CHD1: variants seen among roughly 807,000 people sequenced by gnomAD.
CHD1 encodes the protein ATP-dependent chromatin remodeler CHD1.
In CHD1, 36 loss-of-function variants were observed where a neutral mutation model predicts 224.2. The ratio of observed to expected loss-of-function variants is 0.16; its 90% confidence interval spans 0.12 to 0.21. The LOEUF (loss-of-function observed/expected upper bound fraction) is 0.21, where lower values mean the gene tolerates loss of function less well. Among genes scored for constraint, CHD1 ranks in the 10% least tolerant of loss-of-function variants. CHD1 has a pLI of 1.00. For missense variants in CHD1, 1,378 were observed against 1,994.8 expected (o/e 0.69, Z 5.89); for synonymous variants, 668 against 658.3 (o/e 1.01, Z -0.23).
At chr5:98,867,895 C>CAGG (rs1580367876) in intron 31 of CHD1, among the ~76,000 whole-genome samples, 1 of 150,914 alleles carries the variant, frequency 6.6e-6, no homozygotes, top group East Asian at 2.0e-4. Flanking sequence ...CTCAGCCTTC[C>CAGG]AGGTTCCAGC....
intron 20 of CHD1, among the ~76,000 whole-genome samples, chr5:98,881,612 T>A (rs1170650135): frequency 6.6e-6 from 1 of 151,946 alleles, no homozygotes; most frequent in East Asian, 1.9e-4. Context: ...CGGGCTCAAC[T>A]GATCCTCCCA....
chr5:98,858,580 T>C (rs1456302467), intron 34 of CHD1, 190 bp from the exon 35 acceptor site: 1 of 532,080 alleles, frequency 1.9e-6, no homozygotes, highest in Non-Finnish European at 3.3e-6. Context: ...GGTTGCTTGA[T>C]TCTGAAATGT....
intron 24 of CHD1, 138 bp from the exon 25 acceptor site, chr5:98,875,251 A>T (rs1432532329): frequency 1.9e-6 from 1 of 533,066 alleles, no homozygotes; most frequent in Non-Finnish European, 3.3e-6. Flanking sequence ...GAATGAATAA[A>T]CTATGCTAAA....
Position 98,888,128 on chromosome 5 carries a change from A to G in CHD1, c.2456T>C (p.Ile819Thr). The change falls in exon 17 of 36, where the codon ATA becomes ACA. Residue 819 changes from isoleucine (I) to threonine (T), a missense_variant. Ile to Thr is a moderately conservative substitution (Grantham distance 89). Coordinates refer to ENST00000614616, the MANE Select transcript of CHD1 (RefSeq NM_001270.4). ...ACGATATTTCAAATATTCTGCAAGT[A>G]TATCTAACATCCGCACCATTTGTGA... ...IFSQMVRMLD[I>T]LAEYLKYRQF... 2 of 1,605,810 alleles carry G rather than the reference A, an allele frequency of 1.2e-6. No individual in the cohort carries two copies. Among genetic ancestry groups the G allele is most frequent in the Non-Finnish European group, 8.5e-7 (1 of 1,174,858 alleles).
chr5:98,903,030 A>C (rs1163133375), intron 4 of CHD1, 66 bp from the exon 5 acceptor site: 18 of 937,580 alleles, frequency 1.9e-5, no homozygotes, highest in Non-Finnish European at 3.0e-5. Context: ...TTAAATTTTT[A>C]TTTGCTATAC....
At chr5:98,889,009 T>G in intron 16 of CHD1, 67 bp downstream of exon 16, 1 of 1,137,584 alleles carries the variant, frequency 8.8e-7, no homozygotes, top group Non-Finnish European at 1.2e-6. Flanking sequence ...TGAGCCATTT[T>G]CGATTGTAAG....
intron 2 of CHD1, among the ~76,000 whole-genome samples, chr5:98,910,363 T>C (rs1752312273): frequency 1.3e-5 from 2 of 152,192 alleles, no homozygotes. Flanking sequence ...GAATACTCAC[T>C]TCTACAGTCA....
At chr5:98,862,098 A>G (rs1280628527) in intron 32 of CHD1, among the ~76,000 whole-genome samples, 1 of 152,160 alleles carries the variant, frequency 6.6e-6, no homozygotes, top group African/African-American at 2.4e-5. Context: ...CGGAGGATGC[A>G]GCGAGCTGAG....
intron 18 of CHD1, among the ~76,000 whole-genome samples, chr5:98,884,737 G>C (rs1750525094): frequency 6.9e-6 from 1 of 145,288 alleles, no homozygotes; most frequent in African/African-American, 2.5e-5. Flanking sequence ...TTTTTTTTGA[G>C]ACAGAGTCTC....
intron 25 of CHD1, among the ~76,000 whole-genome samples, 180 bp from the exon 26 acceptor site, chr5:98,873,903 A>T (rs562216614): frequency 6.6e-6 from 1 of 152,228 alleles, no homozygotes; most frequent in African/African-American, 2.4e-5. Context: ...CAAACAATTC[A>T]TTTATATATT....
At position 98,924,823 on chromosome 5, in the gene CHD1, C is replaced by G. The variant is rs162158; in HGVS notation, c.53+1511G>C. 6.2e-3 allele frequency among the ~76,000 whole-genome samples: 947 copies of G among 152,020 alleles called. 10 individuals are homozygous for G. Among genetic ancestry groups the G allele is most frequent in the African/African-American group, 0.022 (903 of 41,478 alleles). ...AAACCCCATCTCTACAAAAAAAATA[C>G]AAAAATTAGCTGGGAGTGGTGGCTA... On this transcript the variant is annotated intron_variant, in intron 2 of 35. Coordinates refer to ENST00000614616, the MANE Select transcript of CHD1 (RefSeq NM_001270.4).
In CHD1 at chr5:98,902,924, T is replaced by C. The variant is rs1353397946; in HGVS notation, c.413A>G (p.Glu138Gly). Reference sequence around the variant, plus strand: ...CTCTTTATGCTTTTTCCTTTTGACCTCACTTGATGAGTCATCGGAATCTTC... The same window carrying C: ...CTCTTTATGCTTTTTCCTTTTGACCCCACTTGATGAGTCATCGGAATCTTC... ...SSEDSDDSSS[E>G]VKRKKHKDED... is the part of the protein sequence containing the mutation. The change falls in exon 5 of 36, where the codon GAG becomes GGG. Residue 138 changes from glutamate to glycine, a missense_variant. Transcript: ENST00000614616. 1.2e-6 allele frequency: 2 copies of C among 1,606,134 alleles called. No individual in the cohort carries two copies. The highest frequency in any genetic ancestry group is 1.7e-5 in the Admixed American group (1 of 59,726).
chr5:98,910,385 T>C (rs552103721), intron 2 of CHD1, among the ~76,000 whole-genome samples: 3 of 152,298 alleles, frequency 2.0e-5, no homozygotes, highest in East Asian at 1.9e-4. Context: ...ATAACTGCTA[T>C]AAAGTCAGGT....
chr5:98,898,015 T>C (rs1005480550), intron 10 of CHD1, among the ~76,000 whole-genome samples: 2 of 151,664 alleles, frequency 1.3e-5, no homozygotes, highest in African/African-American at 2.4e-5. Flanking sequence ...CTTAAGAAGA[T>C]ACATTGACGA....
chr5:98,910,625 C>T (rs1166150154), intron 2 of CHD1, among the ~76,000 whole-genome samples: 1 of 152,024 alleles, frequency 6.6e-6, no homozygotes, highest in Non-Finnish European at 1.5e-5. Flanking sequence ...TTTTATTTTC[C>T]CCTTTTTTAA....
chr5:98,860,090 C>A, intron 32 of CHD1, 22 bp from the exon 33 acceptor site: 1 of 1,314,372 alleles, frequency 7.6e-7, no homozygotes, highest in Non-Finnish European at 1.1e-6. Context: ...TAAAAAAAGG[C>A]AAATTAAGTT....
intron 31 of CHD1, among the ~76,000 whole-genome samples, chr5:98,866,248 G>C (rs898824959): frequency 2.6e-5 from 4 of 152,152 alleles, no homozygotes; most frequent in African/African-American, 9.7e-5. Flanking sequence ...TAAATAAAAT[G>C]GAAGATAGGA....
chr5:98,881,035 T>C, intron 22 of CHD1, 41 bp downstream of exon 22: 3 of 1,134,560 alleles, frequency 2.6e-6, no homozygotes, highest in Non-Finnish European at 4.0e-6. Flanking sequence ...TCAATTCCTC[T>C]CAATTTATGT....
chr5:98,859,141 G>T, intron 33 of CHD1, 126 bp from the exon 34 acceptor site: 1 of 640,632 alleles, frequency 1.6e-6, no homozygotes, highest in Non-Finnish European at 2.7e-6. Flanking sequence ...GTTTATGTGT[G>T]TATATATACA....
Sources: gnomAD v4.1 joint callset for allele counts (sites outside exome capture counted in the v4.1 genomes callset) on GRCh38, gnomAD v4.1.1 for gene constraint, MANE v1.5 for transcripts, NCBI Gene and HGNC (gene_info 2026-07-23, HGNC 2026-07-21) for gene names.